The following CTR9 variants were observed in gnomAD, a reference collection of about 807,000 sequenced individuals.
CTR9 encodes the protein CTR9 component of Paf1/RNA polymerase II complex.
In CTR9, 41 loss-of-function variants were observed where a neutral mutation model predicts 152.1. That is an observed-to-expected ratio of 0.27 (90% CI 0.21 to 0.35). The LOEUF (loss-of-function observed/expected upper bound fraction) is 0.35. Ranked by LOEUF, CTR9 falls within the 10% of genes least tolerant of loss-of-function variation. The pLI, the probability that CTR9 is intolerant of heterozygous loss-of-function variation, is 1.00. For synonymous variants in CTR9, 476 were observed against 496.2 expected, an observed-to-expected ratio of 0.96 and a Z score of 0.54; for missense variants, 917 against 1,424.4, an observed-to-expected ratio of 0.64 and a Z score of 5.73.
intron 7 of CTR9, 76 bp downstream of exon 7, chr11:10,762,130 T>G: frequency 1.1e-6 from 1 of 948,822 alleles, no homozygotes; most frequent in Non-Finnish European, 1.6e-6. Flanking sequence ...TTTTTTAAAC[T>G]TGGAAAGAAA....
At chr11:10,754,361 G>A (rs1451564380) in intron 2 of CTR9, among the ~76,000 whole-genome samples, 3 of 152,080 alleles carry the variant, frequency 2.0e-5, no homozygotes, top group Admixed American at 6.6e-5. Flanking sequence ...AAATCAACTA[G>A]ATAAGCAGCA....
At chr11:10,775,073 G>A (rs1863209371) in intron 22 of CTR9, 134 bp from the exon 23 acceptor site, 2 of 671,574 alleles carry the variant, frequency 3.0e-6, no homozygotes, top group Non-Finnish European at 5.1e-6. Context: ...CTGCCCTTGA[G>A]GAGTGTACAG....
chr11:10,777,451 C>CT (rs1863259496), intron 24 of CTR9, among the ~76,000 whole-genome samples: 1 of 152,170 alleles, frequency 6.6e-6, no homozygotes, highest in South Asian at 2.1e-4. Flanking sequence ...AAGGCACCGG[C>CT]TGACACATCT....
intron 7 of CTR9, 50 bp downstream of exon 7, chr11:10,762,104 A>G (rs773751641): frequency 1.9e-5 from 20 of 1,042,580 alleles, no homozygotes; most frequent in South Asian, 8.9e-5. Flanking sequence ...CTGTACTGCA[A>G]TTGATATTTT....
At position 10,775,218 on chromosome 11, in the gene CTR9, G is replaced by C. The variant is rs192522878; in HGVS notation, c.2897G>C (p.Gly966Ala). The C allele has an allele frequency of 5.5e-5, 88 of 1,613,686 alleles. No individual in the cohort carries two copies. The highest frequency in any genetic ancestry group is 7.5e-5 in the Non-Finnish European group (88 of 1,179,820). Residue 966 changes from glycine to alanine, a missense_variant, in exon 23 of 25, where the codon GGA becomes GCA. Gly to Ala is a moderately conservative substitution (Grantham distance 60). This residue lies in a region of CTR9 where 384 missense variants were observed against 398.4 expected (regional missense o/e 0.96). Coordinates refer to ENST00000361367, the MANE Select transcript of CTR9 (RefSeq NM_014633.5). ...KKKKRRRHPK[G>A]EEGSDDDETE... ...GTTCACTATTTAAGACATCCAAAGG[G>C]AGAAGAAGGATCTGATGATGATGAA...
intron 1 of CTR9, among the ~76,000 whole-genome samples, chr11:10,752,273 G>A (rs1280601338): frequency 6.6e-6 from 1 of 152,118 alleles, no homozygotes; most frequent in Non-Finnish European, 1.5e-5. Flanking sequence ...GTGTGCAGTG[G>A]CATTCAACTT....
At chr11:10,769,094 G>T (rs903038815) in intron 16 of CTR9, among the ~76,000 whole-genome samples, 2 of 152,096 alleles carry the variant, frequency 1.3e-5, no homozygotes, top group African/African-American at 2.4e-5. Context: ...GGTAGCACGT[G>T]CCTGTAATCC....
Position 10,753,263 on chromosome 11 carries a change from A to G in CTR9, c.144+493A>G, listed in dbSNP as rs1249441411. ...TTTTTGTCCTATTTAGTCTCCTTCA[A>G]TGTGAATCTTACTGGAGATTCTCAA... On this transcript the variant is annotated intron_variant, in intron 2 of 24. Coordinates refer to ENST00000361367, the MANE Select transcript of CTR9 (RefSeq NM_014633.5). 1.3e-5 allele frequency among the ~76,000 whole-genome samples: 2 copies of G among 152,202 alleles called. 1 individual carries two copies. Among genetic ancestry groups the G allele is most frequent in the East Asian group, 3.9e-4 (2 of 5,192 alleles).
In CTR9 at chr11:10,773,284, A is replaced by C; in HGVS notation, c.2727+11A>C. ...GGTGGTGGTGGACGGGTAAGATATA[A>C]TTCCTGCTAGCACAAGTGACCTCAT... On this transcript the variant is annotated intron_variant, in intron 21 of 24. Coordinates refer to ENST00000361367, the MANE Select transcript of CTR9 (RefSeq NM_014633.5). 6.2e-7 allele frequency: 1 copy of C among 1,608,462 alleles called. No homozygotes were observed. The highest frequency in any genetic ancestry group is 1.1e-5 in the South Asian group (1 of 89,458).
chr11:10,764,374 C>T lies in CTR9; in HGVS notation c.1351C>T (p.Pro451Ser), dbSNP rs1590021643. Residue 451 changes from proline (P) to serine (S), a missense_variant, in exon 11 of 25, where the codon CCA becomes TCA. Physicochemically the swap from Pro to Ser is moderately conservative, Grantham distance 74 (BLOSUM62 -1). Transcript: ENST00000361367. ...GGAGAAAGTGCAGGCCGATGTTCCT[C>T]CAGAGATTCTCAATAATGTGGGTGC... ...LQEKVQADVP[P>S]EILNNVGALH... 4 of 1,614,070 alleles carry T rather than the reference C, an allele frequency of 2.5e-6. No individual in the cohort carries two copies. Among genetic ancestry groups the T allele is most frequent in the Non-Finnish European group, 3.4e-6 (4 of 1,179,964 alleles).
intron 24 of CTR9, among the ~76,000 whole-genome samples, chr11:10,777,151 A>T (rs551999338): frequency 6.6e-6 from 1 of 152,122 alleles, no homozygotes; most frequent in East Asian, 1.9e-4. Flanking sequence ...AAGAATTGGG[A>T]TTCCTGAGGC....
intron 20 of CTR9, 119 bp downstream of exon 20, chr11:10,772,774 C>T: frequency 9.4e-7 from 1 of 1,066,076 alleles, no homozygotes; most frequent in Non-Finnish European, 1.3e-6. Context: ...AATTCCAACA[C>T]TTTGGGAGGA....
chr11:10,755,263 G>GTGA, intron 3 of CTR9, 66 bp downstream of exon 3: 2 of 1,519,082 alleles, frequency 1.3e-6, no homozygotes, highest in East Asian at 4.5e-5. Context: ...CAAAATGTGT[G>GTGA]TGATAGCAGA....
intron 24 of CTR9, among the ~76,000 whole-genome samples, chr11:10,776,725 C>G (rs1018581637): frequency 1.3e-5 from 2 of 152,108 alleles, no homozygotes; most frequent in Non-Finnish European, 1.5e-5. Context: ...GTAATCCCAG[C>G]ACTTTGAGAG....
intron 24 of CTR9, among the ~76,000 whole-genome samples, chr11:10,776,586 G>T (rs1863238472): frequency 6.6e-6 from 1 of 152,188 alleles, no homozygotes; most frequent in Non-Finnish European, 1.5e-5. Context: ...GTGAGACAGT[G>T]TAAGTGCTGG....
intron 2 of CTR9, 79 bp downstream of exon 2, chr11:10,752,849 C>G: frequency 4.5e-6 from 5 of 1,117,812 alleles, no homozygotes; most frequent in Non-Finnish European, 6.8e-6. Flanking sequence ...ATAGTAATAG[C>G]CAGCTTGGCT....
At position 10,768,326 on chromosome 11, in the gene CTR9, C is replaced by A. The variant is rs958521744; in HGVS notation, c.1961-17C>A. 2.5e-6 allele frequency: 4 copies of A among 1,603,530 alleles called. No individual in the cohort carries two copies. Among genetic ancestry groups the A allele is most frequent in the East Asian group, 4.5e-5 (2 of 44,822 alleles). ...CAATTAGAAAATTGTTAAGTGTGAA[C>A]CTTTTTATATCTTTAGGAGCTGTTT... On this transcript the variant is annotated splice_polypyrimidine_tract_variant and intron_variant, in intron 15 of 24. Coordinates refer to ENST00000361367, the MANE Select transcript of CTR9 (RefSeq NM_014633.5).
Position 10,762,155 on chromosome 11 carries a change from A to AT in CTR9, c.849+107dup, listed in dbSNP as rs1035220551. On this transcript the variant is annotated intron_variant, in intron 7 of 24. Transcript: ENST00000361367. ...TTGGAAAGAAATTTGAAAATGTCAGATTTTTTCCCCCCTCCAAATTATAGA... is the reference window on the plus strand; with the variant it reads ...TTGGAAAGAAATTTGAAAATGTCAGATTTTTTTCCCCCCTCCAAATTATAGA... 28 of 740,162 alleles carry AT rather than the reference A, an allele frequency of 3.8e-5. No individual in the cohort carries two copies. The Admixed American group carries it at 4.6e-4, about 12-fold the overall frequency. 45.8% of individuals were successfully genotyped at this position (740,162 alleles called of 1,614,324 possible). A position where few individuals can be genotyped will look rare whatever the true frequency, so the allele number is the denominator to read the frequency against.
chr11:10,773,789 G>T (rs542406457), intron 21 of CTR9, among the ~76,000 whole-genome samples: 21 of 150,820 alleles, frequency 1.4e-4, no homozygotes, highest in East Asian at 5.9e-4. Context: ...GGAGGCTGAG[G>T]CACGAGAATC....
Sources: allele counts gnomAD v4.1 joint callset (sites outside exome capture counted in the v4.1 genomes callset), GRCh38; gene constraint gnomAD v4.1.1; regional missense constraint gnomAD v4.1.1; transcripts MANE v1.5; gene names NCBI Gene and HGNC (gene_info 2026-07-23, HGNC 2026-07-21).